RALGAPA2: variants seen among roughly 807,000 people sequenced by gnomAD.
RALGAPA2 encodes Ral GTPase activating protein catalytic subunit alpha 2.
RALGAPA2 carries 139 observed loss-of-function variants against 230.4 expected under a neutral mutation model. The observed-to-expected ratio is 0.60, with a 90% CI of 0.53 to 0.69. RALGAPA2 has a LOEUF of 0.69. RALGAPA2 is among the 30% of genes least tolerant of loss of function. The probability of loss-of-function intolerance (pLI) is 0.00; values close to 1 mark genes in which losing one functional copy is unlikely to be tolerated. For missense variants in RALGAPA2, 2,163 were observed against 2,276.0 expected, an observed-to-expected ratio of 0.95 and a Z score of 1.01; for synonymous variants, 847 against 837.8, an observed-to-expected ratio of 1.01 and a Z score of -0.19.
At chr20:20,597,340 G>A (rs2065486229) in intron 16 of RALGAPA2, among the ~76,000 whole-genome samples, 1 of 152,148 alleles carries the variant, frequency 6.6e-6, no homozygotes, top group Admixed American at 6.5e-5. Context: ...ATTGACTAGT[G>A]ACCATTTTCC....
At chr20:20,625,445 A>C (rs2066463620) in intron 10 of RALGAPA2, among the ~76,000 whole-genome samples, 1 of 152,248 alleles carries the variant, frequency 6.6e-6, no homozygotes, top group African/African-American at 2.4e-5. Flanking sequence ...AATAAAAATA[A>C]AGCTGTTTAA....
chr20:20,425,206 A>C (rs2060356483), intron 37 of RALGAPA2, among the ~76,000 whole-genome samples: 1 of 152,212 alleles, frequency 6.6e-6, no homozygotes, highest in Admixed American at 6.5e-5. Context: ...CATTCCTTTG[A>C]GACATTCTTA....
chr20:20,437,778 C>T lies in RALGAPA2; in HGVS notation c.5496-25630G>A, dbSNP rs184259218. Among the ~76,000 whole-genome samples the T allele has an allele frequency of 4.8e-3, 730 of 152,312 alleles. 5 individuals carry two copies. Among genetic ancestry groups the T allele is most frequent in the Non-Finnish European group, 6.3e-3 (427 of 68,030 alleles). ...CTCCTCAGTACTCACCATGCTCTAA[C>T]TTCCCTGGATTTTCATGATCTAGCT... On this transcript the variant is annotated intron_variant, in intron 37 of 39. Transcript: ENST00000202677. The surrounding 1 kb of genome is among the most constrained non-coding windows in gnomAD (Gnocchi z 4.1).
chr20:20,697,209 GCTTTA>G (rs1282270978), intron 1 of RALGAPA2, among the ~76,000 whole-genome samples: 2 of 152,098 alleles, frequency 1.3e-5, no homozygotes, highest in Admixed American at 1.3e-4. Flanking sequence ...AAAGGGCAAC[GCTTTA>G]CTTCCATCAA....
Position 20,680,764 on chromosome 20 carries a change from C to T in RALGAPA2, c.144G>A (p.Glu48=), listed in dbSNP as rs2068490592. The T allele has an allele frequency of 3.2e-6, 5 of 1,586,334 alleles. No individual in the cohort carries two copies. The East Asian group carries it at 1.1e-4, about 36-fold the overall frequency. ...VDANDLKQFF[E]TNYSQIYFIF... is the part of the protein sequence containing the mutation. ...TGAAATATATCTGAGAATAGTTGGT[C>T]TCAAAAAACTGCTTAAGATCATTTG... Residue 48 remains glutamate (E), a synonymous_variant, in exon 2 of 40, where the codon GAG becomes GAA. Coordinates refer to ENST00000202677, the MANE Select transcript of RALGAPA2 (RefSeq NM_020343.4).
chr20:20,568,767 G>C (rs1302372609), intron 23 of RALGAPA2, among the ~76,000 whole-genome samples: 1 of 152,194 alleles, frequency 6.6e-6, no homozygotes, highest in East Asian at 1.9e-4. Flanking sequence ...GAACCACAAA[G>C]CTGCGTCGTG....
chr20:20,601,450 CTCAATA>C (rs1171092032), intron 16 of RALGAPA2, among the ~76,000 whole-genome samples: 1 of 152,218 alleles, frequency 6.6e-6, no homozygotes, highest in Non-Finnish European at 1.5e-5. Flanking sequence ...AAATATCTCA[CTCAATA>C]TCAACATCAC....
intron 35 of RALGAPA2, among the ~76,000 whole-genome samples, chr20:20,498,825 A>C (rs141504755): frequency 6.6e-6 from 1 of 152,232 alleles, no homozygotes; most frequent in Non-Finnish European, 1.5e-5. Flanking sequence ...CTTGTAAGAC[A>C]TAAGTGCAAT....
At chr20:20,558,680 A>G in intron 23 of RALGAPA2, among the ~76,000 whole-genome samples, 1 of 152,012 alleles carries the variant, frequency 6.6e-6, no homozygotes, top group Non-Finnish European at 1.5e-5. Flanking sequence ...AAGGGGGAAA[A>G]AAAAGAAATT....
At chr20:20,489,331 A>C (rs896931704) in intron 36 of RALGAPA2, among the ~76,000 whole-genome samples, 1 of 152,196 alleles carries the variant, frequency 6.6e-6, no homozygotes, top group Non-Finnish European at 1.5e-5. Flanking sequence ...TCAGTTCCAA[A>C]CAGGAAAATT....
At chr20:20,697,442 T>A (rs1054245848) in intron 1 of RALGAPA2, among the ~76,000 whole-genome samples, 4 of 152,232 alleles carry the variant, frequency 2.6e-5, no homozygotes, top group African/African-American at 9.6e-5. Context: ...GTTTTATGAT[T>A]ATTAGCACAA....
chr20:20,550,884 GTAAAATTTA>G (rs1324318469), intron 23 of RALGAPA2, among the ~76,000 whole-genome samples: 3 of 152,204 alleles, frequency 2.0e-5, no homozygotes, highest in African/African-American at 7.2e-5. Context: ...GTTTTACTTT[GTAAAATTTA>G]CTTTATAGGT....
At chr20:20,621,376 T>C (rs58471784) in intron 10 of RALGAPA2, among the ~76,000 whole-genome samples, 1,697 of 152,040 alleles carry the variant, frequency 0.011, 30 homozygotes, top group African/African-American at 0.039. Context: ...TGTTCACTGA[T>C]GTCATGGTGT....
chr20:20,483,489 C>G (rs998791748), intron 36 of RALGAPA2, among the ~76,000 whole-genome samples: 1 of 152,122 alleles, frequency 6.6e-6, no homozygotes. Flanking sequence ...CCCTGAGAAG[C>G]TTGGCCCCAG....
At chr20:20,683,381 T>C (rs1039554932) in intron 1 of RALGAPA2, among the ~76,000 whole-genome samples, 1 of 152,136 alleles carries the variant, frequency 6.6e-6, no homozygotes, top group Non-Finnish European at 1.5e-5. Flanking sequence ...CTGCCTCCAG[T>C]AGTACTTAAA....
At chr20:20,566,471 T>C (rs538429123) in intron 23 of RALGAPA2, among the ~76,000 whole-genome samples, 1 of 152,172 alleles carries the variant, frequency 6.6e-6, no homozygotes, top group South Asian at 2.1e-4. Flanking sequence ...TTTAGTCAAA[T>C]CATTATGTTC....
chr20:20,393,530 GA>G (rs2059641683), intron 39 of RALGAPA2, among the ~76,000 whole-genome samples: 1 of 152,224 alleles, frequency 6.6e-6, no homozygotes. Flanking sequence ...CATAAGTAAA[GA>G]ATGAAGAGAA....
chr20:20,624,358 A>G (rs1323916669), intron 10 of RALGAPA2, among the ~76,000 whole-genome samples: 3 of 151,634 alleles, frequency 2.0e-5, no homozygotes, highest in African/African-American at 7.3e-5. Flanking sequence ...AAGAAAGGCA[A>G]AAGAAAAACC....
rs374843545 is a variant in RALGAPA2, at chr20:20,626,006, A to G, written c.1233+3357T>C. Among the ~76,000 whole-genome samples the G allele has an allele frequency of 1.6e-4, 24 of 152,282 alleles. 3 individuals are homozygous for G. Among genetic ancestry groups the G allele is most frequent in the African/African-American group, 5.8e-4 (24 of 41,544 alleles). On this transcript the variant is annotated intron_variant, in intron 10 of 39. Coordinates refer to ENST00000202677, the MANE Select transcript of RALGAPA2 (RefSeq NM_020343.4). ...CTCTGTCATGAGCCTCTCTGCCCCA[A>G]TAGCTCACCAGCATTTATTCCCAAG...
Sources: gnomAD v4.1 joint callset for allele counts (sites outside exome capture counted in the v4.1 genomes callset) on GRCh38, gnomAD v4.1.1 for gene constraint, Gnocchi (gnomAD v3.1) non-coding constraint, MANE v1.5 for transcripts, NCBI Gene and HGNC (gene_info 2026-07-23, HGNC 2026-07-21) for gene names.